The following WDR7 variants were observed in gnomAD, a reference collection of about 807,000 sequenced individuals.
WDR7 encodes the protein WD repeat domain 7.
WDR7 carries 46 observed loss-of-function variants against 169.4 expected under a neutral mutation model. That is an observed-to-expected ratio of 0.27 (90% CI 0.21 to 0.35). The LOEUF is 0.35. Among genes scored for constraint, WDR7 ranks in the 10% least tolerant of loss-of-function variants. The pLI is 1.00. For missense variants in WDR7, 1,534 were observed against 1,859.3 expected, an observed-to-expected ratio of 0.83 and a Z score of 3.22; for synonymous variants, 612 against 666.8, an observed-to-expected ratio of 0.92 and a Z score of 1.27.
At chr18:56,991,272 G>A (rs2047814361) in intron 26 of WDR7, among the ~76,000 whole-genome samples, 1 of 149,482 alleles carries the variant, frequency 6.7e-6, no homozygotes, top group African/African-American at 2.5e-5. Flanking sequence ...TCAGCCTCCC[G>A]AGTAGCTGGG....
intron 20 of WDR7, among the ~76,000 whole-genome samples, chr18:56,824,634 G>A (rs2045164835): frequency 6.6e-6 from 1 of 152,124 alleles, no homozygotes; most frequent in Admixed American, 6.6e-5. Context: ...CTATTTAAAT[G>A]ACTCAAAACA....
chr18:57,027,158 A>G lies in WDR7; in HGVS notation c.4424A>G (p.Asn1475Ser), dbSNP rs2048378283. 1.9e-6 allele frequency: 3 copies of G among 1,613,994 alleles called. No individual in the cohort carries two copies. Among genetic ancestry groups the G allele is most frequent in the Non-Finnish European group, 8.5e-7 (1 of 1,180,008 alleles). Residue 1475 changes from asparagine (N) to serine (S), a missense_variant, in exon 28 of 28, where the codon AAC becomes AGC. Physicochemically the swap from Asn to Ser is conservative, Grantham distance 46. Coordinates refer to ENST00000254442, the MANE Select transcript of WDR7 (RefSeq NM_015285.3). ...CGGCTCATCTGGACTTCCAACCGCA[A>G]CGTCATCCTCATGGCCCATGACGGG... ...LARLIWTSNR[N>S]VILMAHDGKE...
chr18:56,903,442 A>G (rs897111817), intron 21 of WDR7, among the ~76,000 whole-genome samples: 2 of 151,908 alleles, frequency 1.3e-5, no homozygotes, highest in Non-Finnish European at 2.9e-5. Context: ...TACTTTGAGA[A>G]GGAGTCTTGC....
At chr18:56,854,030 T>C (rs1188398639) in intron 20 of WDR7, among the ~76,000 whole-genome samples, 1 of 152,244 alleles carries the variant, frequency 6.6e-6, no homozygotes, top group South Asian at 2.1e-4. Context: ...CACATACATA[T>C]AATTTTCTCT....
intron 13 of WDR7, among the ~76,000 whole-genome samples, chr18:56,721,872 T>C (rs985582983): frequency 4.6e-5 from 7 of 152,242 alleles, no homozygotes; most frequent in African/African-American, 1.4e-4. Flanking sequence ...CATATTTCTA[T>C]TCCTTATGTA....
chr18:56,760,998 A>G (rs974331177), intron 16 of WDR7, among the ~76,000 whole-genome samples: 3 of 152,242 alleles, frequency 2.0e-5, no homozygotes, highest in Admixed American at 6.5e-5. Context: ...ACTCATTTCT[A>G]TATTTTCTTT....
intron 21 of WDR7, among the ~76,000 whole-genome samples, chr18:56,882,226 C>T (rs1325514604): frequency 1.3e-5 from 2 of 152,220 alleles, no homozygotes; most frequent in Non-Finnish European, 2.9e-5. Context: ...TTATCTGTCA[C>T]TTCAGACAGC....
chr18:56,799,635 T>G (rs1304080829), intron 19 of WDR7, among the ~76,000 whole-genome samples: 3 of 152,204 alleles, frequency 2.0e-5, no homozygotes, highest in African/African-American at 7.2e-5. Flanking sequence ...TTACATATTA[T>G]TAATGCCTCA....
chr18:56,923,520 G>T (rs139905312), intron 21 of WDR7, among the ~76,000 whole-genome samples: 1 of 152,248 alleles, frequency 6.6e-6, no homozygotes, highest in African/African-American at 2.4e-5. Flanking sequence ...TTACTGAGGG[G>T]GAGTATTTTA....
intron 5 of WDR7, among the ~76,000 whole-genome samples, chr18:56,685,062 T>C (rs1437431045): frequency 6.6e-6 from 1 of 152,232 alleles, no homozygotes; most frequent in Non-Finnish European, 1.5e-5. Context: ...CTGAACAGAA[T>C]AGACTGTAAC....
intron 20 of WDR7, among the ~76,000 whole-genome samples, chr18:56,817,343 C>CAA (rs79929553): frequency 4.1e-4 from 29 of 70,626 alleles, no homozygotes; most frequent in African/African-American, 1.2e-3. Flanking sequence ...GACTCTGTCT[C>CAA]AAAAAAAAAA....
chr18:56,975,027 C>G (rs1455534079), intron 26 of WDR7, among the ~76,000 whole-genome samples: 1 of 152,000 alleles, frequency 6.6e-6, no homozygotes, highest in Admixed American at 6.6e-5. Flanking sequence ...ATCACGGGGT[C>G]AGGAGTTCGA....
chr18:56,962,391 T>C lies in WDR7; in HGVS notation c.4065-39T>C, dbSNP rs768016543. ...CCAAGTGCAGGTCATCTCACCTGGC[T>C]TCTTGTTTTTGTTTTTGTTGTTAAA... On this transcript the variant is annotated intron_variant, in intron 25 of 27. Transcript: ENST00000254442. 3.8e-6 allele frequency: 6 copies of C among 1,593,102 alleles called. 1 individual carries two copies. The South Asian group carries it at 6.6e-5, about 18-fold the overall frequency.
At chr18:57,034,496 G>T (rs1376715915), downstream of WDR7, 1 of 152,166 alleles carries the variant, frequency 6.6e-6, no homozygotes, top group Non-Finnish European at 1.5e-5. Context: ...AATGGAGTTT[G>T]GGAGCTGAGC....
chr18:56,907,495 G>A (rs1481176032), intron 21 of WDR7, among the ~76,000 whole-genome samples: 1 of 152,112 alleles, frequency 6.6e-6, no homozygotes, highest in Non-Finnish European at 1.5e-5. Flanking sequence ...ACCTCTTTGA[G>A]GTTTGATTTT....
chr18:56,862,879 A>G (rs1417851675), intron 20 of WDR7, among the ~76,000 whole-genome samples: 1 of 151,876 alleles, frequency 6.6e-6, no homozygotes, highest in Non-Finnish European at 1.5e-5. Flanking sequence ...GTCTGTTCAT[A>G]AAGAATCAGG....
intron 20 of WDR7, among the ~76,000 whole-genome samples, chr18:56,849,047 A>T (rs1360733033): frequency 2.0e-5 from 3 of 152,130 alleles, no homozygotes; most frequent in Non-Finnish European, 4.4e-5. Flanking sequence ...AATCAGACTT[A>T]TATATCAACT....
intron 6 of WDR7, among the ~76,000 whole-genome samples, 169 bp downstream of exon 6, chr18:56,686,201 G>A (rs182729574): frequency 1.8e-3 from 280 of 152,056 alleles, no homozygotes; most frequent in African/African-American, 6.4e-3. Flanking sequence ...TGCTATGGGA[G>A]TGAATTTTTT....
intron 14 of WDR7, among the ~76,000 whole-genome samples, chr18:56,734,085 T>A (rs574080548): frequency 6.6e-6 from 1 of 152,296 alleles, no homozygotes; most frequent in East Asian, 1.9e-4. Context: ...AACCTTTAGA[T>A]GTGGAGCATT....
Sources: gnomAD v4.1 joint callset for allele counts (sites outside exome capture counted in the v4.1 genomes callset) on GRCh38, gnomAD v4.1.1 for gene constraint, MANE v1.5 for transcripts, NCBI Gene and HGNC (gene_info 2026-07-23, HGNC 2026-07-21) for gene names.